MCM10: variants seen among roughly 807,000 people sequenced by gnomAD.
MCM10 encodes the protein minichromosome maintenance 10 replication initiation factor.
A neutral mutation model predicts 109.9 loss-of-function variants in MCM10; 91 were observed. The observed-to-expected ratio is 0.83, with a 90% CI of 0.70 to 0.99. The LOEUF (loss-of-function observed/expected upper bound fraction) is 0.99, where lower values mean the gene tolerates loss of function less well. MCM10 is among the 50% of genes least tolerant of loss of function. MCM10 has a pLI of 0.00. For missense variants in MCM10, 1,077 were observed against 1,061.2 expected, an observed-to-expected ratio of 1.01 and a Z score of -0.21; for synonymous variants, 380 against 387.2, an observed-to-expected ratio of 0.98 and a Z score of 0.22.
intron 8 of MCM10, among the ~76,000 whole-genome samples, chr10:13,184,239 C>T (rs557712958): frequency 3.3e-5 from 5 of 152,190 alleles, no homozygotes; most frequent in East Asian, 1.9e-4. Flanking sequence ...GTGATCTACC[C>T]GCCTCGGCCT....
chr10:13,186,222 TG>T lies in MCM10; in HGVS notation c.1160del (p.Gly387GlufsTer17). ...TTAATTATGGGTGAAGCTCTTGACC[TG>T]GGAACCTGTAAAGCCAAGAAGAAGA... Reference protein sequence around the residue: ...KVLIMGEALDLGTCKAKKKNG... With the variant: ...KVLIMGEALDXGTCKAKKKNG... On this transcript the variant is annotated frameshift_variant, in exon 9 of 20. Coordinates refer to ENST00000378714, the MANE Select transcript of MCM10 (RefSeq NM_018518.5). LOFTEE classifies it high-confidence loss of function. 2 of 1,613,416 alleles carry T rather than the reference TG, an allele frequency of 1.2e-6. No individual in the cohort carries two copies. Among genetic ancestry groups the T allele is most frequent in the Non-Finnish European group, 1.7e-6 (2 of 1,179,524 alleles).
intron 13 of MCM10, 27 bp from the exon 14 acceptor site, chr10:13,195,014 C>G (rs1206994900): frequency 6.3e-7 from 1 of 1,589,936 alleles, no homozygotes; most frequent in Non-Finnish European, 8.6e-7. Context: ...ACCCTGTTTG[C>G]GTATTTTGAC....
chr10:13,209,540 G>T lies in MCM10; in HGVS notation c.*230G>T. ...GTTATCATTGTCTTTTCTAAGCTCAGTGTGGATGATTGCATTACTTCATTC... is the reference window on the plus strand; with the variant it reads ...GTTATCATTGTCTTTTCTAAGCTCATTGTGGATGATTGCATTACTTCATTC... On this transcript the variant is annotated 3_prime_UTR_variant, in exon 20 of 20. Coordinates refer to ENST00000378714, the MANE Select transcript of MCM10 (RefSeq NM_018518.5). The T allele has an allele frequency of 1.8e-6, 1 of 568,388 alleles. No individual in the cohort carries two copies. The highest frequency in any genetic ancestry group is 3.1e-6 in the Non-Finnish European group (1 of 319,642). The allele number at this position is 568,388 out of a possible 1,614,324, so 35.2% of individuals were successfully genotyped here. A position where few individuals can be genotyped will look rare whatever the true frequency, so the allele number is the denominator to read the frequency against.
At chr10:13,197,541 A>G in intron 14 of MCM10, 82 bp from the exon 15 acceptor site, 1 of 1,276,446 alleles carries the variant, frequency 7.8e-7, no homozygotes, top group Non-Finnish European at 1.1e-6. Context: ...TTCACTGGTT[A>G]CTAATAAAAA....
intron 17 of MCM10, among the ~76,000 whole-genome samples, chr10:13,203,263 G>A (rs79678797): frequency 0.021 from 3,170 of 152,214 alleles, 60 homozygotes; most frequent in South Asian, 0.081. Flanking sequence ...TCATCTCCTG[G>A]CCCAGCTTCT....
intron 14 of MCM10, among the ~76,000 whole-genome samples, chr10:13,196,058 C>G (rs548746702): frequency 6.6e-6 from 1 of 152,146 alleles, no homozygotes; most frequent in South Asian, 2.1e-4. Flanking sequence ...AGGCACATGC[C>G]ACCACGCCTT....
chr10:13,195,937 CCT>C (rs1160440571), intron 14 of MCM10, among the ~76,000 whole-genome samples: 1 of 151,652 alleles, frequency 6.6e-6, no homozygotes, highest in African/African-American at 2.4e-5. Flanking sequence ...AGACTATCCC[CCT>C]GTCACCCATG....
chr10:13,171,016 G>C lies in MCM10; in HGVS notation c.102G>C (p.Arg34=). 6.2e-7 allele frequency: 1 copy of C among 1,614,214 alleles called. No homozygotes were observed. The highest frequency in any genetic ancestry group is 8.5e-7 in the Non-Finnish European group (1 of 1,180,032). ...CNSEENNFLT[R]ENGEPDAFDE... ...CAGAAGAAAATAACTTCTTGACGCG[G>C]GAAAATGGCGAGCCCGACGCATTTG... Residue 34 remains arginine (R), a synonymous_variant, in exon 3 of 20, where the codon CGG becomes CGC. Coordinates refer to ENST00000378714, the MANE Select transcript of MCM10 (RefSeq NM_018518.5).
chr10:13,164,798 C>T (rs959617033), intron 2 of MCM10, among the ~76,000 whole-genome samples: 2 of 152,102 alleles, frequency 1.3e-5, no homozygotes, highest in African/African-American at 4.8e-5. Flanking sequence ...GTGGCTCACG[C>T]CTGTGATCTC....
At chr10:13,208,961 A>G in intron 18 of MCM10, 130 bp from the exon 19 acceptor site, 1 of 720,878 alleles carries the variant, frequency 1.4e-6, no homozygotes, top group Non-Finnish European at 2.5e-6. Flanking sequence ...TTGGCATACA[A>G]TACGAATGTC....
chr10:13,183,563 G>T lies in MCM10; in HGVS notation c.1098+463G>T, dbSNP rs563810753. On this transcript the variant is annotated intron_variant, in intron 8 of 19. Coordinates refer to ENST00000378714, the MANE Select transcript of MCM10 (RefSeq NM_018518.5). Reference sequence around the variant, plus strand: ...TTTTTTGTTCATTCATTACCCATCAGTATTCTGAATTTCCACCTATTCTAA... The same window carrying T: ...TTTTTTGTTCATTCATTACCCATCATTATTCTGAATTTCCACCTATTCTAA... Among the ~76,000 whole-genome samples the T allele has an allele frequency of 3.3e-5, 5 of 152,276 alleles. No individual in the cohort carries two copies. In the South Asian group the frequency reaches 6.2e-4, roughly 19 times the overall value.
At chr10:13,192,994 T>C (rs1229768523) in intron 13 of MCM10, among the ~76,000 whole-genome samples, 1 of 152,038 alleles carries the variant, frequency 6.6e-6, no homozygotes, top group African/African-American at 2.4e-5. Context: ...CAAATGATCC[T>C]CCTGCCTTGG....
intron 2 of MCM10, among the ~76,000 whole-genome samples, chr10:13,167,832 T>C (rs1537611): frequency 0.86 from 130,594 of 152,174 alleles, 56,158 homozygotes; most frequent in South Asian, 0.91. Flanking sequence ...AACAATTAAA[T>C]GCTTTCCATT....
intron 14 of MCM10, chr10:13,195,692 C>G (rs1039079373): frequency 3.9e-5 from 6 of 152,434 alleles, no homozygotes; most frequent in African/African-American, 1.5e-4. Context: ...CTCACTGCAA[C>G]CTCCTCCTCC....
rs1564381921 is a variant in MCM10, at chr10:13,172,501, G to A, written c.454+21G>A. On this transcript the variant is annotated intron_variant, in intron 4 of 19. Coordinates refer to ENST00000378714, the MANE Select transcript of MCM10 (RefSeq NM_018518.5). This position sits in a 1 kb window ranked among gnomAD's most constrained non-coding sequence, Gnocchi z 5.2. Reference sequence around the variant, plus strand: ...CCCTGGTAAGAAGACTGTCATTCTGGCAATCGTGTGCATTTATTTTATTAG... The same window carrying A: ...CCCTGGTAAGAAGACTGTCATTCTGACAATCGTGTGCATTTATTTTATTAG... The A allele has an allele frequency of 1.9e-6, 3 of 1,606,556 alleles. No homozygotes were observed. Among genetic ancestry groups the A allele is most frequent in the Non-Finnish European group, 2.6e-6 (3 of 1,173,830 alleles).
chr10:13,185,206 G>A (rs1002167244), intron 8 of MCM10, among the ~76,000 whole-genome samples: 8 of 152,202 alleles, frequency 5.3e-5, no homozygotes, highest in African/African-American at 9.6e-5. Flanking sequence ...ACCCTGCAGC[G>A]GAGGGATTAT....
At chr10:13,169,768 C>T (rs532659407) in intron 2 of MCM10, among the ~76,000 whole-genome samples, 52 of 152,286 alleles carry the variant, frequency 3.4e-4, no homozygotes, top group Non-Finnish European at 6.2e-4. Flanking sequence ...TGCAGTGGTG[C>T]GATCTCGGCT....
rs571506868 is a variant in MCM10, at chr10:13,170,934, A to G, written c.20A>G (p.Asn7Ser). 30 of 1,612,884 alleles carry G rather than the reference A, an allele frequency of 1.9e-5. No homozygotes were observed. Among genetic ancestry groups the G allele is most frequent in the Admixed American group, 3.3e-5 (2 of 59,942 alleles). Residue 7 changes from asparagine to serine, a missense_variant, in exon 3 of 20, where the codon AAT (asparagine) becomes AGT (serine). Transcript: ENST00000378714. ...TCTTTTCCCCTAGAGGAGGAAGACA[A>G]TCTGTCTCTGCTGACCGCACTGCTG... is the stretch of plus-strand genomic sequence containing the variant. MDEEED[N>S]LSLLTALLEE...
In MCM10 at chr10:13,172,974, C is replaced by T. The variant is rs1368970406; in HGVS notation, c.592+209C>T. On this transcript the variant is annotated intron_variant, in intron 5 of 19. Coordinates refer to ENST00000378714, the MANE Select transcript of MCM10 (RefSeq NM_018518.5). The surrounding 1 kb of genome is among the most constrained non-coding windows in gnomAD (Gnocchi z 5.2). ...CTAGAAAATCCTTAGGGCCAAGGCACGCGGCAGGAAGATTGCTTGATCCTA... is the reference window on the plus strand; with the variant it reads ...CTAGAAAATCCTTAGGGCCAAGGCATGCGGCAGGAAGATTGCTTGATCCTA... 1.3e-5 allele frequency among the ~76,000 whole-genome samples: 2 copies of T among 152,254 alleles called. No individual in the cohort carries two copies. The highest frequency in any genetic ancestry group is 3.9e-4 in the East Asian group (2 of 5,186).
Sources: allele counts gnomAD v4.1 joint callset (sites outside exome capture counted in the v4.1 genomes callset), GRCh38; gene constraint gnomAD v4.1.1; non-coding constraint Gnocchi (gnomAD v3.1); transcripts MANE v1.5; gene names NCBI Gene and HGNC (gene_info 2026-07-23, HGNC 2026-07-21).